Variants in PCDH9 observed in about 807,000 individuals in gnomAD.
The protein encoded by PCDH9 is protocadherin 9.
PCDH9 carries 24 observed loss-of-function variants against 70.6 expected under a neutral mutation model. The ratio of observed to expected loss-of-function variants is 0.34; its 90% CI spans 0.25 to 0.48. PCDH9 has a LOEUF of 0.48. Among genes scored for constraint, PCDH9 ranks in the 20% least tolerant of loss-of-function variants. The pLI, the probability that PCDH9 is intolerant of heterozygous loss-of-function variation, is 0.99. For synonymous variants in PCDH9, 562 were observed against 558.5 expected, an observed-to-expected ratio of 1.01 and a Z score of -0.09; for missense variants, 1,281 against 1,503.6, an observed-to-expected ratio of 0.85 and a Z score of 2.45.
At chr13:67,061,945 T>C (rs776303702) in intron 2 of PCDH9, among the ~76,000 whole-genome samples, 9 of 152,178 alleles carry the variant, frequency 5.9e-5, no homozygotes, top group Admixed American at 2.0e-4. Flanking sequence ...CTAAATGAAC[T>C]GATGTAATCT....
chr13:66,928,510 C>T (rs891945732), intron 2 of PCDH9, among the ~76,000 whole-genome samples: 1 of 152,010 alleles, frequency 6.6e-6, no homozygotes, highest in African/African-American at 2.4e-5. Context: ...GGTTTGTGTT[C>T]CCCCAAATTC....
chr13:66,676,492 C>G (rs1027486617), intron 3 of PCDH9, among the ~76,000 whole-genome samples: 3 of 151,996 alleles, frequency 2.0e-5, no homozygotes, highest in Non-Finnish European at 4.4e-5. Context: ...TCCTGTAATT[C>G]TTATATGACT....
intron 2 of PCDH9, chr13:67,202,039 A>G (rs778530398): frequency 1.2e-4 from 18 of 152,086 alleles, no homozygotes; most frequent in Non-Finnish European, 2.9e-5. Flanking sequence ...TCAGAAATAA[A>G]ATGGAATATA....
intron 4 of PCDH9, among the ~76,000 whole-genome samples, chr13:66,620,941 A>G (rs1166863888): frequency 1.3e-5 from 2 of 152,224 alleles, no homozygotes; most frequent in Non-Finnish European, 2.9e-5. Flanking sequence ...TACATAATTG[A>G]CTTAACATGA....
intron 2 of PCDH9, among the ~76,000 whole-genome samples, chr13:67,143,830 G>A (rs948781728): frequency 6.6e-6 from 1 of 152,086 alleles, no homozygotes; most frequent in African/African-American, 2.4e-5. Context: ...GTTAAATTCA[G>A]TCTCATTTAA....
intron 3 of PCDH9, among the ~76,000 whole-genome samples, chr13:66,646,783 T>A (rs1189438805): frequency 1.3e-5 from 2 of 152,284 alleles, no homozygotes; most frequent in South Asian, 4.1e-4. Context: ...TTTATATCAT[T>A]GAAAGAGGCG....
chr13:66,495,560 T>C (rs186261971), intron 4 of PCDH9, among the ~76,000 whole-genome samples: 329 of 151,504 alleles, frequency 2.2e-3, no homozygotes, highest in Non-Finnish European at 3.6e-3. Context: ...ATCCATTCAA[T>C]GTTTACTTGC....
At chr13:66,414,857 G>T (rs553708417) in intron 4 of PCDH9, among the ~76,000 whole-genome samples, 2 of 151,944 alleles carry the variant, frequency 1.3e-5, no homozygotes, top group African/African-American at 4.8e-5. Context: ...AAAATGTTAC[G>T]GATGCATGAA....
chr13:67,171,731 C>A (rs1254408081), intron 2 of PCDH9, among the ~76,000 whole-genome samples: 1 of 152,116 alleles, frequency 6.6e-6, no homozygotes, highest in Non-Finnish European at 1.5e-5. Context: ...CCTTGGAGAC[C>A]TGTTTGAGGC....
chr13:66,557,307 T>G (rs1038280494), intron 4 of PCDH9, among the ~76,000 whole-genome samples: 2 of 152,198 alleles, frequency 1.3e-5, no homozygotes, highest in Non-Finnish European at 2.9e-5. Flanking sequence ...AGACAAATTT[T>G]CTTGATTAAT....
At chr13:66,318,899 A>G (rs1955701593) in intron 4 of PCDH9, among the ~76,000 whole-genome samples, 1 of 152,174 alleles carries the variant, frequency 6.6e-6, no homozygotes, top group Non-Finnish European at 1.5e-5. Context: ...GACTTCTCTG[A>G]TAAGCTTATT....
intron 4 of PCDH9, among the ~76,000 whole-genome samples, chr13:66,473,634 C>T (rs995862748): frequency 4.6e-5 from 7 of 152,156 alleles, no homozygotes; most frequent in African/African-American, 1.7e-4. Context: ...CCTTCAGGAT[C>T]ACTTTGTATG....
chr13:66,437,174 G>A (rs917236765), intron 4 of PCDH9, among the ~76,000 whole-genome samples: 1 of 151,682 alleles, frequency 6.6e-6, no homozygotes, highest in Admixed American at 6.6e-5. Context: ...TTGGGAGGCC[G>A]AGATGGGCAG....
rs754232404 is a variant in PCDH9, at chr13:66,955,336, G to A, written c.3037-51731C>T. On this transcript the variant is annotated intron_variant, in intron 2 of 4. Transcript: ENST00000377865. ...GCATTAAAATTATGAGAGCATAAAG[G>A]AAGAATTATAACTATGAAAATAAAT... is the stretch of plus-strand genomic sequence containing the variant. Among the ~76,000 whole-genome samples the A allele has an allele frequency of 2.6e-5, 4 of 152,188 alleles. No individual in the cohort carries two copies. In the South Asian group the frequency reaches 6.2e-4, roughly 24 times the overall value.
At chr13:66,705,837 A>G (rs1034510140) in intron 3 of PCDH9, among the ~76,000 whole-genome samples, 1 of 152,244 alleles carries the variant, frequency 6.6e-6, no homozygotes, top group Non-Finnish European at 1.5e-5. Context: ...TAAGAATTGC[A>G]GGAAACTTAA....
chr13:66,540,984 TA>T (rs1960929290), intron 4 of PCDH9, among the ~76,000 whole-genome samples: 1 of 152,128 alleles, frequency 6.6e-6, no homozygotes, highest in South Asian at 2.1e-4. Flanking sequence ...CACACCAGAT[TA>T]GGTTAGTGAA....
rs569723865 is a variant in PCDH9 at position 67,068,630 on chromosome 13, A to G, written c.3036+156775T>C. ...AATGGCAAAGTCAATAACAGAGCAC[A>G]TGCGTTTGATCCCAAACCTCAAACT... On this transcript the variant is annotated intron_variant, in intron 2 of 4. Coordinates refer to ENST00000377865, the MANE Select transcript of PCDH9 (RefSeq NM_203487.3). Among the ~76,000 whole-genome samples the G allele has an allele frequency of 5.0e-3, 762 of 152,336 alleles. 8 individuals carry two copies. Among genetic ancestry groups the G allele is most frequent in the Non-Finnish European group, 5.6e-3 (379 of 68,034 alleles).
intron 2 of PCDH9, among the ~76,000 whole-genome samples, chr13:67,032,305 A>T (rs1452512223): frequency 6.6e-6 from 1 of 151,422 alleles, no homozygotes; most frequent in Non-Finnish European, 1.5e-5. Context: ...CCCCACACAT[A>T]CAACTATATA....
At chr13:66,714,328 G>T (rs1028030150) in intron 3 of PCDH9, among the ~76,000 whole-genome samples, 1 of 151,884 alleles carries the variant, frequency 6.6e-6, no homozygotes, top group Admixed American at 6.6e-5. Context: ...AGCCAGGCGT[G>T]GTGGCGGGTG....
Sources: gnomAD v4.1 joint callset for allele counts (sites outside exome capture counted in the v4.1 genomes callset) on GRCh38, gnomAD v4.1.1 for gene constraint, MANE v1.5 for transcripts, NCBI Gene and HGNC (gene_info 2026-07-23, HGNC 2026-07-21) for gene names.